POLE2: variants seen among roughly 807,000 people sequenced by gnomAD.
The protein encoded by POLE2 is DNA polymerase epsilon subunit 2.
In POLE2, 56 loss-of-function variants were observed where a neutral mutation model predicts 79.4. That is an observed-to-expected ratio of 0.71 (90% confidence interval 0.57 to 0.88). The LOEUF (loss-of-function observed/expected upper bound fraction) is 0.88, where lower values mean the gene tolerates loss of function less well. Ranked by LOEUF, POLE2 falls within the 40% of genes least tolerant of loss-of-function variation. The pLI is 0.00. For missense variants in POLE2, 598 were observed against 638.9 expected (o/e 0.94, Z 0.69); for synonymous variants, 212 against 214.0 (o/e 0.99, Z 0.08).
chr14:49,677,581 G>T, intron 3 of POLE2: 1 of 503,952 alleles, frequency 2.0e-6, no homozygotes, highest in South Asian at 2.9e-5. Context: ...CTGAGCCCTA[G>T]AGCTCTTCCC....
At chr14:49,649,970 A>C (rs1254909660) in intron 17 of POLE2, 1 of 172,514 alleles carries the variant, frequency 5.8e-6, no homozygotes, top group Non-Finnish European at 1.2e-5. Context: ...CCAGAAAGGA[A>C]TCCCAAGATA....
intron 11 of POLE2, 71 bp from the exon 12 acceptor site, chr14:49,655,165 G>T: frequency 1.9e-6 from 1 of 534,290 alleles, no homozygotes; most frequent in South Asian, 4.9e-5. Flanking sequence ...CTTTAACCAT[G>T]ACTTTCTAAT....
At chr14:49,673,354 G>A (rs1886029898) in intron 5 of POLE2, among the ~76,000 whole-genome samples, 1 of 151,974 alleles carries the variant, frequency 6.6e-6, no homozygotes, top group African/African-American at 2.4e-5. Flanking sequence ...AACTCCCAAG[G>A]GTGGCATCCA....
intron 2 of POLE2, among the ~76,000 whole-genome samples, chr14:49,681,067 C>T (rs1236235722): frequency 6.6e-6 from 1 of 152,164 alleles, no homozygotes; most frequent in East Asian, 1.9e-4. Flanking sequence ...AAGTGACTAG[C>T]ATCTATATAA....
chr14:49,648,851 C>T (rs1883974065), intron 17 of POLE2, among the ~76,000 whole-genome samples: 1 of 152,174 alleles, frequency 6.6e-6, no homozygotes, highest in African/African-American at 2.4e-5. Flanking sequence ...TTCTATGTTG[C>T]CCATGCTGGT....
At chr14:49,646,892 G>A (rs548071052) in intron 18 of POLE2, 22 of 156,194 alleles carry the variant, frequency 1.4e-4, no homozygotes, top group African/African-American at 3.8e-4. Context: ...AGACCTTTCC[G>A]TAACTCCAAC....
chr14:49,646,421 A>G (rs896531582), intron 18 of POLE2: 1 of 148,464 alleles, frequency 6.7e-6, no homozygotes, highest in African/African-American at 2.5e-5. Context: ...GGTTCAAGCA[A>G]TTCTCCTGCC....
chr14:49,649,378 C>G (rs556714453), intron 17 of POLE2, among the ~76,000 whole-genome samples: 3 of 150,896 alleles, frequency 2.0e-5, no homozygotes, highest in South Asian at 4.2e-4. Flanking sequence ...GATCTCCTGA[C>G]CTCGTGATCT....
rs768830946 is a variant in POLE2, at chr14:49,654,779, A to T, written c.1073+5T>A. On this transcript the variant is annotated splice_donor_5th_base_variant and intron_variant, in intron 13 of 18. Coordinates refer to ENST00000216367, the MANE Select transcript of POLE2 (RefSeq NM_002692.4). ...GAAAAAATATATAGTGCTAGAGATC[A>T]TTACCTTTGGTGAATATCTGGGTAT... 2.7e-6 allele frequency: 4 copies of T among 1,486,940 alleles called. No individual in the cohort carries two copies. Among genetic ancestry groups the T allele is most frequent in the Non-Finnish European group, 3.6e-6 (4 of 1,124,506 alleles). The allele number at this position is 1,486,940 out of a possible 1,614,324, so 92.1% of individuals were successfully genotyped here.
chr14:49,684,205 G>A (rs780305044), intron 1 of POLE2, among the ~76,000 whole-genome samples: 8 of 152,166 alleles, frequency 5.3e-5, no homozygotes, highest in Non-Finnish European at 1.2e-4. Context: ...GCTCACGCCT[G>A]TAATCCCAGC....
chr14:49,677,561 C>A lies in POLE2; in HGVS notation c.245+2164G>T, dbSNP rs139622601. ...CCGGACTAGGCGACCCAGCAGTGCA[C>A]CATCTCCTACTGAGCCCTAGAGCTC... is the stretch of plus-strand genomic sequence containing the variant. On this transcript the variant is annotated intron_variant, in intron 3 of 18. Transcript: ENST00000216367. 2.5e-4 allele frequency: 119 copies of A among 479,214 alleles called. 1 individual carries two copies. The East Asian group carries it at 3.7e-3, about 15-fold the overall frequency. 29.7% of individuals were successfully genotyped at this position (479,214 alleles called of 1,614,324 possible).
At chr14:49,656,387 C>T (rs1328407690) in intron 10 of POLE2, among the ~76,000 whole-genome samples, 1 of 149,052 alleles carries the variant, frequency 6.7e-6, no homozygotes, top group Non-Finnish European at 1.5e-5. Context: ...CTAAAGCAAA[C>T]ATTAAAATAA....
chr14:49,655,682 A>T lies in POLE2; in HGVS notation c.917T>A (p.Ile306Lys). 1 of 1,607,284 alleles carries T rather than the reference A, an allele frequency of 6.2e-7. No homozygotes were observed. The highest frequency in any genetic ancestry group is 8.5e-7 in the Non-Finnish European group (1 of 1,177,852). ...DQVEVLEKLR[I>K]MFAGYSPAPP... ...AAAATAAGACCTACCAGCAAACATT[A>T]TGCGAAGTTTTTCCAATACTTCCAC... Residue 306 changes from isoleucine (I) to lysine (K), a missense_variant, in exon 11 of 19, where the codon ATA (isoleucine) becomes AAA (lysine). Physicochemically the swap from Ile to Lys is moderately radical, Grantham distance 102. Transcript: ENST00000216367.
intron 1 of POLE2, 60 bp downstream of exon 1, chr14:49,688,076 A>G: frequency 7.4e-7 from 1 of 1,346,536 alleles, no homozygotes; most frequent in Non-Finnish European, 1.0e-6. Context: ...CCGCTGCCGC[A>G]CCAGGCAGAC....
intron 10 of POLE2, among the ~76,000 whole-genome samples, chr14:49,656,507 G>A (rs1300364217): frequency 6.6e-6 from 1 of 152,094 alleles, no homozygotes; most frequent in Non-Finnish European, 1.5e-5. Context: ...TCTACTTCTG[G>A]AATGGCTAAT....
At chr14:49,643,857 C>G (rs928805930) in intron 18 of POLE2, among the ~76,000 whole-genome samples, 187 bp from the exon 19 acceptor site, 5 of 147,400 alleles carry the variant, frequency 3.4e-5, no homozygotes, top group African/African-American at 1.2e-4. Context: ...TTTCTGCTCC[C>G]AAAAAGCAAA....
Position 49,669,596 on chromosome 14 carries a change from C to G in POLE2, c.420G>C (p.Arg140Ser), listed in dbSNP as rs372857838. ...GAGTAAATAATTCATGCCTGTGGGT[C>G]CTCTATAAAAAAGAAAGATTCACAT... ...FRERYTILHQ[R>S]THRHELFTPP... is the part of the protein sequence containing the mutation. Residue 140 changes from arginine to serine, a missense_variant and splice_region_variant, in exon 6 of 19, where the codon AGG (arginine) becomes AGC (serine). Coordinates refer to ENST00000216367, the MANE Select transcript of POLE2 (RefSeq NM_002692.4). The G allele has an allele frequency of 2.6e-5, 41 of 1,551,860 alleles. No individual in the cohort carries two copies. In the East Asian group the frequency reaches 3.6e-4, roughly 14 times the overall value.
At chr14:49,674,834 G>C (rs531031223) in intron 3 of POLE2, among the ~76,000 whole-genome samples, 197 of 152,230 alleles carry the variant, frequency 1.3e-3, no homozygotes, top group South Asian at 4.1e-3. Flanking sequence ...CCAAAGTACT[G>C]GGATTACAGA....
intron 1 of POLE2, among the ~76,000 whole-genome samples, chr14:49,685,620 T>C (rs540951696): frequency 5.1e-4 from 78 of 152,120 alleles, no homozygotes; most frequent in East Asian, 5.8e-4. Context: ...TTTCTTTTTT[T>C]TCTTTCTTTC....
Sources: allele counts gnomAD v4.1 joint callset (sites outside exome capture counted in the v4.1 genomes callset), GRCh38; gene constraint gnomAD v4.1.1; transcripts MANE v1.5; gene names NCBI Gene and HGNC (gene_info 2026-07-23, HGNC 2026-07-21).